The following ZBTB7C variants were observed in gnomAD, a reference collection of about 807,000 sequenced individuals.
ZBTB7C encodes the protein zinc finger and BTB domain containing 7C.
In ZBTB7C, 8 loss-of-function variants were observed where a neutral mutation model predicts 25.7. The observed-to-expected ratio is 0.31, with a 90% CI of 0.18 to 0.56. ZBTB7C has a LOEUF of 0.56. ZBTB7C is among the 20% of genes least tolerant of loss of function. ZBTB7C has a pLI of 0.91. For synonymous variants in ZBTB7C, 394 were observed against 369.0 expected, an observed-to-expected ratio of 1.07 and a Z score of -0.78; for missense variants, 824 against 855.2, an observed-to-expected ratio of 0.96 and a Z score of 0.46.
intron 2 of ZBTB7C, among the ~76,000 whole-genome samples, chr18:48,290,577 A>G (rs2045193921): frequency 2.0e-5 from 3 of 152,198 alleles, no homozygotes; most frequent in Admixed American, 2.0e-4. Context: ...AGGGTCATTA[A>G]GAGTGTGGGG....
At chr18:48,349,257 A>C (rs2046809908) in intron 1 of ZBTB7C, among the ~76,000 whole-genome samples, 1 of 152,256 alleles carries the variant, frequency 6.6e-6, no homozygotes, top group Non-Finnish European at 1.5e-5. Flanking sequence ...TTCCAATATG[A>C]AATGGGCATG....
chr18:48,146,440 G>C (rs1158523585), intron 3 of ZBTB7C, among the ~76,000 whole-genome samples: 2 of 152,064 alleles, frequency 1.3e-5, no homozygotes, highest in South Asian at 4.2e-4. Context: ...GTACAGAGAG[G>C]CTATATATGT....
chr18:48,058,424 G>A (rs1249367977), intron 3 of ZBTB7C, among the ~76,000 whole-genome samples: 1 of 152,174 alleles, frequency 6.6e-6, no homozygotes, highest in African/African-American at 2.4e-5. Context: ...CTCTGACCTG[G>A]GGTCTTTTTA....
chr18:48,305,782 G>A (rs571453939), intron 2 of ZBTB7C, among the ~76,000 whole-genome samples: 5 of 152,252 alleles, frequency 3.3e-5, no homozygotes, highest in African/African-American at 1.2e-4. Context: ...CAGAGAAACT[G>A]AGGCTCAGGG....
intron 3 of ZBTB7C, among the ~76,000 whole-genome samples, chr18:48,079,552 C>T (rs1266476087): frequency 2.0e-5 from 3 of 152,120 alleles, no homozygotes; most frequent in Non-Finnish European, 4.4e-5. Flanking sequence ...ATTTCCTAAC[C>T]CCTCCCCTCC....
chr18:48,087,720 A>G (rs2038244880), intron 3 of ZBTB7C: 1 of 152,046 alleles, frequency 6.6e-6, no homozygotes, highest in Admixed American at 6.6e-5. Flanking sequence ...TCTTGAGCCC[A>G]AGAGTTTGAG....
chr18:48,202,598 C>T (rs1441604614), intron 2 of ZBTB7C, among the ~76,000 whole-genome samples: 2 of 152,058 alleles, frequency 1.3e-5, no homozygotes, highest in Non-Finnish European at 2.9e-5. Context: ...CCCAGCTGTC[C>T]TTAGTACCCC....
intron 4 of ZBTB7C, among the ~76,000 whole-genome samples, chr18:48,035,252 G>A (rs1325932155): frequency 2.0e-5 from 3 of 152,228 alleles, no homozygotes; most frequent in Non-Finnish European, 4.4e-5. Flanking sequence ...GTCAGAGAGT[G>A]ACTGCGGTGC....
At chr18:48,153,941 T>G (rs2040756775) in intron 3 of ZBTB7C, among the ~76,000 whole-genome samples, 1 of 152,174 alleles carries the variant, frequency 6.6e-6, no homozygotes, top group Admixed American at 6.5e-5. Flanking sequence ...CAGCCAGCTC[T>G]GAGGAAAGGG....
chr18:48,159,238 A>G (rs1204151380), intron 3 of ZBTB7C, among the ~76,000 whole-genome samples: 3 of 152,106 alleles, frequency 2.0e-5, no homozygotes, highest in African/African-American at 7.2e-5. Context: ...GTGGTTAAGC[A>G]CACCGATCCT....
chr18:48,367,363 TATATATATAA>T (rs1391056737), intron 1 of ZBTB7C, among the ~76,000 whole-genome samples: 17 of 132,272 alleles, frequency 1.3e-4, no homozygotes, highest in African/African-American at 4.4e-4. Flanking sequence ...TATATATATA[TATATATATAA>T]AATACAAACA....
chr18:48,125,792 C>T (rs1315556619), intron 3 of ZBTB7C, among the ~76,000 whole-genome samples: 1 of 152,230 alleles, frequency 6.6e-6, no homozygotes, highest in Non-Finnish European at 1.5e-5. Flanking sequence ...CCTGCCTGGG[C>T]AGCCCCAGGA....
At chr18:48,196,970 A>G (rs1477619010) in intron 2 of ZBTB7C, among the ~76,000 whole-genome samples, 2 of 152,168 alleles carry the variant, frequency 1.3e-5, no homozygotes, top group African/African-American at 4.8e-5. Flanking sequence ...CCCACAACCA[A>G]TGTGTTTCAG....
chr18:48,408,177 G>T (rs959701795), intron 1 of ZBTB7C, among the ~76,000 whole-genome samples: 5 of 152,166 alleles, frequency 3.3e-5, no homozygotes, highest in Admixed American at 3.3e-4. Context: ...CCCGCGCCGC[G>T]GAAGGTTGGG....
chr18:48,211,086 A>C (rs1200620303), intron 2 of ZBTB7C, among the ~76,000 whole-genome samples: 1 of 152,200 alleles, frequency 6.6e-6, no homozygotes, highest in African/African-American at 2.4e-5. Context: ...CAGTGAATGG[A>C]GCAAAGATAA....
chr18:48,255,399 T>C (rs2043991512), intron 2 of ZBTB7C, among the ~76,000 whole-genome samples: 1 of 152,186 alleles, frequency 6.6e-6, no homozygotes, highest in Non-Finnish European at 1.5e-5. Flanking sequence ...TTAAATAAAA[T>C]TTCTAAGAGG....
intron 2 of ZBTB7C, among the ~76,000 whole-genome samples, chr18:48,217,425 G>A (rs573843428): frequency 6.6e-6 from 1 of 152,204 alleles, no homozygotes; most frequent in East Asian, 1.9e-4. Context: ...TAAGCACAGG[G>A]GATTTTGAAG....
At chr18:48,036,904 C>T (rs368046212) in intron 4 of ZBTB7C, among the ~76,000 whole-genome samples, 2 of 152,176 alleles carry the variant, frequency 1.3e-5, no homozygotes, top group Non-Finnish European at 2.9e-5. Flanking sequence ...GGACAGACCA[C>T]GCTTGGGGCT....
chr18:48,086,244 T>C (rs2038185923), intron 3 of ZBTB7C, among the ~76,000 whole-genome samples: 1 of 152,218 alleles, frequency 6.6e-6, no homozygotes, highest in Non-Finnish European at 1.5e-5. Context: ...GAGTATGTAT[T>C]ATCTCATTTA....
Sources: gnomAD v4.1 joint callset for allele counts (sites outside exome capture counted in the v4.1 genomes callset) on GRCh38, gnomAD v4.1.1 for gene constraint, MANE v1.5 for transcripts, NCBI Gene and HGNC (gene_info 2026-07-23, HGNC 2026-07-21) for gene names.